CLUL1: variants seen among roughly 807,000 people sequenced by gnomAD.
CLUL1 encodes clusterin-like protein 1.
CLUL1 carries 43 observed loss-of-function variants against 49.4 expected under a neutral mutation model. The observed-to-expected ratio is 0.87, with a 90% CI of 0.68 to 1.12. The LOEUF (loss-of-function observed/expected upper bound fraction) is 1.12. Ranked by LOEUF, CLUL1 falls within the 50% of genes most tolerant of loss-of-function variation. The probability of loss-of-function intolerance (pLI) is 0.00; values close to 1 mark genes in which losing one functional copy is unlikely to be tolerated. For missense variants in CLUL1, 486 were observed against 544.4 expected, an observed-to-expected ratio of 0.89 and a Z score of 1.07; for synonymous variants, 192 against 184.9, an observed-to-expected ratio of 1.04 and a Z score of -0.31.
At chr18:608,813 A>C (rs961226337) in intron 2 of CLUL1, among the ~76,000 whole-genome samples, 2 of 152,260 alleles carry the variant, frequency 1.3e-5, no homozygotes, top group Non-Finnish European at 2.9e-5. Context: ...TTAGATAAAA[A>C]TCTGGCAATA....
rs771448369 is a variant in CLUL1, at chr18:641,477, TTGGCTGGG to T, written c.1148_1155del (p.Gly383ValfsTer2). ...CTGGTGGAGAAGATGAGAGGGCAAT[TTGGCTGGG>T]TGTCTGAACTGGCAAACCAGGCCCC... On this transcript the variant is annotated frameshift_variant, in exon 8 of 10. Coordinates refer to ENST00000692774, the MANE Select transcript of CLUL1 (RefSeq NM_001393344.1). LOFTEE classifies it high-confidence loss of function. 1 of 1,614,144 alleles carries T rather than the reference TTGGCTGGG, an allele frequency of 6.2e-7. No homozygotes were observed. The highest frequency in any genetic ancestry group is 1.3e-5 in the African/African-American group (1 of 75,022).
At chr18:621,514 C>G (rs2144021987) in intron 4 of CLUL1, among the ~76,000 whole-genome samples, 1 of 152,294 alleles carries the variant, frequency 6.6e-6, no homozygotes, top group South Asian at 2.1e-4. Flanking sequence ...TTGAGGAAAT[C>G]TAAAATAGCT....
At position 602,704 on chromosome 18, in the gene CLUL1, C is replaced by T. The variant is rs912507590; in HGVS notation, c.-135-4274C>T. Among the ~76,000 whole-genome samples the T allele has an allele frequency of 2.0e-5, 3 of 152,234 alleles. 1 individual carries two copies. Among genetic ancestry groups the T allele is most frequent in the Middle Eastern group, 6.8e-3 (2 of 294 alleles). ...ACAAGTAGAATGGGGCAATAAATGGCGCATTTTCGCACCATCAAGAGTGCC... is the reference window on the plus strand; with the variant it reads ...ACAAGTAGAATGGGGCAATAAATGGTGCATTTTCGCACCATCAAGAGTGCC... On this transcript the variant is annotated intron_variant, in intron 1 of 9. Transcript: ENST00000692774.
In CLUL1 at chr18:645,813, ATATATATATATATATAT is replaced by A. The variant is rs1567979923; in HGVS notation, c.1397+717_1397+733del. ...TGTTTAAAAAAAAAAAAAAAAAAAT[ATATATATATATATATAT>A]ATATATATATATATATATATATGTT... On this transcript the variant is annotated intron_variant, in intron 9 of 9. Coordinates refer to ENST00000692774, the MANE Select transcript of CLUL1 (RefSeq NM_001393344.1). Among the ~76,000 whole-genome samples, 344 of 57,050 alleles carry A rather than the reference ATATATATATATATATAT, an allele frequency of 6.0e-3. 51 individuals are homozygous for A. The highest frequency in any genetic ancestry group is 0.025 in the African/African-American group (321 of 13,054). The allele number at this position is 57,050 out of a possible 152,430, so 37.4% of individuals were successfully genotyped here.
chr18:626,858 C>T (rs2073730528), intron 5 of CLUL1, among the ~76,000 whole-genome samples: 1 of 113,384 alleles, frequency 8.8e-6, no homozygotes, highest in Admixed American at 1.2e-4. Context: ...AAGACTCCAT[C>T]TCAAATAAGA....
chr18:619,669 GT>G (rs34422313), intron 4 of CLUL1, among the ~76,000 whole-genome samples: 49,547 of 148,796 alleles, frequency 0.33, 8,695 homozygotes, highest in East Asian at 0.53. Context: ...TATTTGAAGA[GT>G]TTTTTTTTTT....
rs1170741955 is a variant in CLUL1, at chr18:616,312, AC to A, written c.-13-1675del. ...AAATGCCAAACGAGAAAACAAACAA[AC>A]AAAGATGCCACATGACTGTGTAAAT... On this transcript the variant is annotated intron_variant, in intron 2 of 9. Coordinates refer to ENST00000692774, the MANE Select transcript of CLUL1 (RefSeq NM_001393344.1). Among the ~76,000 whole-genome samples the A allele has an allele frequency of 5.9e-5, 9 of 152,302 alleles. No homozygotes were observed. In the South Asian group the frequency reaches 1.0e-3, roughly 18 times the overall value.
chr18:610,663 G>A (rs1234467491), intron 2 of CLUL1, among the ~76,000 whole-genome samples: 12 of 152,162 alleles, frequency 7.9e-5, no homozygotes, highest in Admixed American at 2.0e-4. Flanking sequence ...GGTCAGGAAT[G>A]AGACTGAGCA....
rs143773053 is a variant in CLUL1 at position 626,184 on chromosome 18, C to T, written c.424-913C>T. Among the ~76,000 whole-genome samples the T allele has an allele frequency of 2.0e-3, 309 of 152,280 alleles. 1 individual carries two copies. Among genetic ancestry groups the T allele is most frequent in the African/African-American group, 7.1e-3 (296 of 41,552 alleles). On this transcript the variant is annotated intron_variant, in intron 5 of 9. Coordinates refer to ENST00000692774, the MANE Select transcript of CLUL1 (RefSeq NM_001393344.1). ...CTAGAGGGCAGTGGTGCCATCTTGG[C>T]TTACTGCAGCCTCCACCTCCTGGGT...
At chr18:629,631 C>G (rs1018059398) in intron 6 of CLUL1, among the ~76,000 whole-genome samples, 9 of 152,354 alleles carry the variant, frequency 5.9e-5, no homozygotes, top group Admixed American at 5.9e-4. Flanking sequence ...CCCAGCCCCT[C>G]TGCGCCACTT....
chr18:627,404 A>C lies in CLUL1; in HGVS notation c.731A>C (p.Gln244Pro). ...KEPMTKADLE[Q>P]CWDIPNFFQL... Reference sequence around the variant, plus strand: ...CCGATGACAAAAGCAGATCTTGAGCAATGTTGGGACATTCCCAACTTCTTC... The same window carrying C: ...CCGATGACAAAAGCAGATCTTGAGCCATGTTGGGACATTCCCAACTTCTTC... The change falls in exon 6 of 10, where the codon CAA becomes CCA. Residue 244 changes from glutamine (Q) to proline (P), a missense_variant. Transcript: ENST00000692774. 6.2e-7 allele frequency: 1 copy of C among 1,614,206 alleles called. No individual in the cohort carries two copies. The highest frequency in any genetic ancestry group is 8.5e-7 in the Non-Finnish European group (1 of 1,180,028).
intron 2 of CLUL1, among the ~76,000 whole-genome samples, chr18:607,416 A>T (rs914325345): frequency 1.1e-4 from 16 of 152,286 alleles, no homozygotes; most frequent in Non-Finnish European, 2.2e-4. Context: ...GGCGTGAGCC[A>T]CTACGCCCAG....
At chr18:623,563 T>G (rs909059339) in intron 4 of CLUL1, among the ~76,000 whole-genome samples, 7 of 148,022 alleles carry the variant, frequency 4.7e-5, no homozygotes, top group Admixed American at 1.4e-4. Flanking sequence ...GAGAATCTCT[T>G]AAACCTGGGA....
intron 2 of CLUL1, among the ~76,000 whole-genome samples, chr18:614,328 AAGGGAGGGAAGG>A (rs2073228906): frequency 2.9e-5 from 2 of 69,218 alleles, no homozygotes; most frequent in African/African-American, 6.6e-5. Flanking sequence ...GGAGGGAAGG[AAGGGAGGGAAGG>A]AAGGAAGGAA....
chr18:600,617 A>C (rs2072801643), intron 1 of CLUL1, among the ~76,000 whole-genome samples: 1 of 152,264 alleles, frequency 6.6e-6, no homozygotes. Context: ...TTCTAGAAAT[A>C]TGCTAGAGTA....
At chr18:626,867 G>GA (rs1226954916) in intron 5 of CLUL1, among the ~76,000 whole-genome samples, 1 of 230 alleles carries the variant, frequency 4.3e-3, no homozygotes, top group Admixed American at 0.031. Context: ...TCTCAAATAA[G>GA]AAAGAAAGAA....
intron 7 of CLUL1, among the ~76,000 whole-genome samples, chr18:640,206 G>A (rs2074300013): frequency 6.6e-6 from 1 of 151,814 alleles, no homozygotes; most frequent in African/African-American, 2.4e-5. Flanking sequence ...GACATTGAGA[G>A]GACACGCAAG....
intron 2 of CLUL1, among the ~76,000 whole-genome samples, chr18:616,340 C>G (rs1298080702): frequency 6.6e-6 from 1 of 152,158 alleles, no homozygotes; most frequent in African/African-American, 2.4e-5. Context: ...TGTGTAAATA[C>G]ACTTTTCGAA....
intron 7 of CLUL1, among the ~76,000 whole-genome samples, chr18:639,088 A>G (rs1410488414): frequency 2.0e-5 from 3 of 152,154 alleles, no homozygotes; most frequent in South Asian, 4.1e-4. Flanking sequence ...AATGTTTTAC[A>G]TTTCGATTTT....
Sources: allele counts gnomAD v4.1 joint callset (sites outside exome capture counted in the v4.1 genomes callset), GRCh38; gene constraint gnomAD v4.1.1; transcripts MANE v1.5; gene names NCBI Gene and HGNC (gene_info 2026-07-23, HGNC 2026-07-21).